Variants in SIDT1 observed in about 807,000 individuals in gnomAD.
SIDT1 encodes SID1 transmembrane family member 1.
In SIDT1, 101 loss-of-function variants were observed where a neutral mutation model predicts 107.5. The observed-to-expected ratio is 0.94, with a 90% CI of 0.80 to 1.11. SIDT1 has a LOEUF of 1.11. Among genes scored for constraint, SIDT1 ranks in the 50% least tolerant of loss-of-function variants. The probability of loss-of-function intolerance (pLI) is 0.00; values close to 1 mark genes in which losing one functional copy is unlikely to be tolerated. For missense variants in SIDT1, 1,076 were observed against 1,058.2 expected, an observed-to-expected ratio of 1.02 and a Z score of -0.23; for synonymous variants, 395 against 398.2, an observed-to-expected ratio of 0.99 and a Z score of 0.10.
rs1945224831 is a variant in SIDT1 at position 113,605,027 on chromosome 3, G to A, written c.1404+51G>A. On this transcript the variant is annotated intron_variant, in intron 14 of 24. Coordinates refer to ENST00000264852, the MANE Select transcript of SIDT1 (RefSeq NM_017699.3). ...CAGAGTCCCAGCTTTCTTTCTGCAG[G>A]GAGAGTCTCCACTGTGACTGACAGA... The A allele has an allele frequency of 4.4e-6, 7 of 1,597,236 alleles. No individual in the cohort carries two copies. The East Asian group carries it at 1.6e-4, about 36-fold the overall frequency.
chr3:113,549,111 A>G (rs1339205505), intron 1 of SIDT1, among the ~76,000 whole-genome samples: 1 of 152,102 alleles, frequency 6.6e-6, no homozygotes. Flanking sequence ...GCTGAGTAAT[A>G]TTTCATTGTC....
chr3:113,617,777 G>A lies in SIDT1; in HGVS notation c.2043+1601G>A, dbSNP rs561559616. Among the ~76,000 whole-genome samples the A allele has an allele frequency of 1.5e-3, 229 of 152,144 alleles. 1 individual carries two copies. The highest frequency in any genetic ancestry group is 5.1e-3 in the African/African-American group (211 of 41,488). ...TTAATAGACTTTATATTTTTTTAGAGCAGCTTTACATCCACAGAAAAATTG... is the reference window on the plus strand; with the variant it reads ...TTAATAGACTTTATATTTTTTTAGAACAGCTTTACATCCACAGAAAAATTG... On this transcript the variant is annotated intron_variant, in intron 20 of 24. Transcript: ENST00000264852.
In SIDT1 at chr3:113,585,311, G is replaced by T. The variant is rs376134283; in HGVS notation, c.1001+41G>T. ...CTAGAAATGTTAATTCCCTGTGCCTGTCTCTGTGTAACGCTTGCAGCACAG... is the reference window on the plus strand; with the variant it reads ...CTAGAAATGTTAATTCCCTGTGCCTTTCTCTGTGTAACGCTTGCAGCACAG... On this transcript the variant is annotated intron_variant, in intron 9 of 24. Transcript: ENST00000264852. The T allele has an allele frequency of 4.9e-6, 7 of 1,435,712 alleles. No homozygotes were observed. The African/African-American group carries it at 9.8e-5, about 20-fold the overall frequency. 88.9% of individuals were successfully genotyped at this position (1,435,712 alleles called of 1,614,324 possible).
At chr3:113,578,781 G>A (rs1418020014) in intron 4 of SIDT1, among the ~76,000 whole-genome samples, 2 of 152,256 alleles carry the variant, frequency 1.3e-5, no homozygotes, top group Middle Eastern at 6.8e-3. Flanking sequence ...CTTGAGCCCA[G>A]GAGGTCAAGA....
Position 113,603,015 on chromosome 3 carries a change from C to T in SIDT1, c.1128C>T (p.Ser376=). ...TTGTCTCTGTTTCAGATGAGTCAAG[C>T]TCCAGTCCTGGAAGGCAGATGTCCT... ...GSNYGTIDES[S]SSPGRQMSSS... is the part of the protein sequence containing the mutation. The change falls in exon 12 of 25, where the codon AGC becomes AGT. Residue 376 remains serine, a synonymous_variant. Coordinates refer to ENST00000264852, the MANE Select transcript of SIDT1 (RefSeq NM_017699.3). 1 of 1,613,978 alleles carries T rather than the reference C, an allele frequency of 6.2e-7. No individual in the cohort carries two copies. Among genetic ancestry groups the T allele is most frequent in the Non-Finnish European group, 8.5e-7 (1 of 1,179,942 alleles).
At chr3:113,581,262 C>A in intron 5 of SIDT1, 99 bp from the exon 6 acceptor site, 1 of 965,278 alleles carries the variant, frequency 1.0e-6, no homozygotes, top group Non-Finnish European at 1.6e-6. Flanking sequence ...ATCCCCTGCT[C>A]TGTGATCCAA....
intron 9 of SIDT1, among the ~76,000 whole-genome samples, chr3:113,588,113 T>C (rs1943874597): frequency 6.6e-6 from 1 of 152,224 alleles, no homozygotes; most frequent in Non-Finnish European, 1.5e-5. Context: ...GTTAAGCTAA[T>C]AGCTGGTTAT....
rs2107531432 is a variant in SIDT1 at position 113,583,459 on chromosome 3, T to G, written c.798T>G (p.Pro266=). The change falls in exon 7 of 25, where the codon CCT becomes CCG. Residue 266 remains proline, a synonymous_variant. Transcript: ENST00000264852. ...TCTTCGTGGTATTTGTGATAAAGCCTGAAGATTATGCCTGTGGAGGATCTT... is the reference window on the plus strand; with the variant it reads ...TCTTCGTGGTATTTGTGATAAAGCCGGAAGATTATGCCTGTGGAGGATCTT... The part of the protein sequence containing the change: ...EQFFVVFVIK[P]EDYACGGSFF... 3 of 1,601,154 alleles carry G rather than the reference T, an allele frequency of 1.9e-6. No individual in the cohort carries two copies. The highest frequency in any genetic ancestry group is 4.5e-5 in the East Asian group (2 of 44,802).
chr3:113,537,619 T>A (rs1938323800), intron 1 of SIDT1, among the ~76,000 whole-genome samples: 1 of 152,240 alleles, frequency 6.6e-6, no homozygotes, highest in Admixed American at 6.5e-5. Context: ...ATTATCTGAA[T>A]GATTGGACTG....
intron 23 of SIDT1, 118 bp downstream of exon 23, chr3:113,623,851 C>A: frequency 1.5e-6 from 1 of 686,246 alleles, no homozygotes; most frequent in Non-Finnish European, 2.5e-6. Context: ...TTTTCTCTAC[C>A]AGGGATGGTT....
chr3:113,563,057 A>G (rs1391230968), intron 1 of SIDT1, among the ~76,000 whole-genome samples: 19 of 152,230 alleles, frequency 1.2e-4, no homozygotes. Flanking sequence ...GGAAGACTTT[A>G]AGAATGAGCA....
At chr3:113,569,182 A>G (rs1378611072) in intron 3 of SIDT1, among the ~76,000 whole-genome samples, 2 of 150,970 alleles carry the variant, frequency 1.3e-5, no homozygotes, top group African/African-American at 2.4e-5. Context: ...AAAGAAATGT[A>G]TGCTATTTTA....
At chr3:113,557,582 A>G (rs1941014197) in intron 1 of SIDT1, among the ~76,000 whole-genome samples, 1 of 152,162 alleles carries the variant, frequency 6.6e-6, no homozygotes, top group African/African-American at 2.4e-5. Flanking sequence ...GCAAACAGTG[A>G]TTCACCCACT....
intron 12 of SIDT1, 22 bp downstream of exon 12, chr3:113,603,172 A>G: frequency 1.2e-6 from 2 of 1,603,592 alleles, no homozygotes; most frequent in Non-Finnish European, 1.7e-6. Context: ...GCCTCGCCGT[A>G]CTCTTTGAGA....
chr3:113,568,294 C>T (rs910150569), intron 3 of SIDT1, among the ~76,000 whole-genome samples: 2 of 151,970 alleles, frequency 1.3e-5, no homozygotes, highest in Non-Finnish European at 2.9e-5. Context: ...ACCTCATTAG[C>T]TATAAGAAAT....
chr3:113,611,980 T>G, intron 18 of SIDT1, 106 bp from the exon 19 acceptor site: 1 of 748,108 alleles, frequency 1.3e-6, no homozygotes, highest in East Asian at 2.6e-5. Flanking sequence ...AAATAGAATG[T>G]GCACACAGCT....
intron 1 of SIDT1, among the ~76,000 whole-genome samples, chr3:113,563,020 G>A (rs1036157876): frequency 6.6e-6 from 1 of 152,194 alleles, no homozygotes; most frequent in African/African-American, 2.4e-5. Flanking sequence ...TAGTGGGGTA[G>A]GAAAATGTTA....
intron 21 of SIDT1, among the ~76,000 whole-genome samples, chr3:113,620,553 G>T (rs909722988): frequency 6.6e-6 from 1 of 152,066 alleles, no homozygotes; most frequent in African/African-American, 2.4e-5. Flanking sequence ...GAATGAAGAG[G>T]CATGCCTTCA....
At chr3:113,622,287 A>G (rs1946509208) in intron 21 of SIDT1, among the ~76,000 whole-genome samples, 1 of 151,848 alleles carries the variant, frequency 6.6e-6, no homozygotes, top group Non-Finnish European at 1.5e-5. Flanking sequence ...AGATGGTGAA[A>G]CCCCGTCTCT....
Sources: allele counts gnomAD v4.1 joint callset (sites outside exome capture counted in the v4.1 genomes callset), GRCh38; gene constraint gnomAD v4.1.1; transcripts MANE v1.5; gene names NCBI Gene and HGNC (gene_info 2026-07-23, HGNC 2026-07-21).